The following UNC5A variants were observed in gnomAD, a reference collection of about 807,000 sequenced individuals.
UNC5A encodes the protein netrin receptor UNC5A.
UNC5A carries 20 observed loss-of-function variants against 87.4 expected under a neutral mutation model. The ratio of observed to expected loss-of-function variants is 0.23; its 90% CI spans 0.16 to 0.33. The LOEUF (loss-of-function observed/expected upper bound fraction) is 0.33, where lower values mean the gene tolerates loss of function less well. Ranked by LOEUF, UNC5A falls within the 10% of genes least tolerant of loss-of-function variation. UNC5A has a pLI of 1.00. For missense variants in UNC5A, 844 were observed against 1,133.4 expected, an observed-to-expected ratio of 0.74 and a Z score of 3.67; for synonymous variants, 438 against 482.3, an observed-to-expected ratio of 0.91 and a Z score of 1.20.
At chr5:176,847,405 G>A (rs543961756) in intron 1 of UNC5A, among the ~76,000 whole-genome samples, 1 of 152,328 alleles carries the variant, frequency 6.6e-6, no homozygotes, top group African/African-American at 2.4e-5. Context: ...CCTGGGAACA[G>A]GCTGCCGAGG....
chr5:176,823,616 C>T (rs1205164740), intron 1 of UNC5A, among the ~76,000 whole-genome samples: 1 of 151,926 alleles, frequency 6.6e-6, no homozygotes, highest in Non-Finnish European at 1.5e-5. Flanking sequence ...CACAGGGAGG[C>T]TGAGGGAGAC....
chr5:176,810,729 G>T lies in UNC5A; in HGVS notation c.-22G>T, dbSNP rs1332434336. ...GCCCGCGGGGCCCCGCGCCCGGCCC[G>T]CCCGCCTGCCCGCCCGCGGCCATGG... is the stretch of plus-strand genomic sequence containing the variant. On this transcript the variant is annotated 5_prime_UTR_variant, in exon 1 of 15. Transcript: ENST00000329542. The surrounding 1 kb of genome is among the most constrained non-coding windows in gnomAD (Gnocchi z 7.3). 6 of 1,087,478 alleles carry T rather than the reference G, an allele frequency of 5.5e-6. No homozygotes were observed. The South Asian group carries it at 1.3e-4, about 24-fold the overall frequency. 67.4% of individuals were successfully genotyped at this position (1,087,478 alleles called of 1,614,324 possible).
rs1036173368 is a variant in UNC5A at position 176,848,636 on chromosome 5, C to T, written c.71-13988C>T. ...ATGGAAGGTGGCAGCAGGGCCCAGG[C>T]TCCTTCCCGCCCAAATTTGGAATAG... On this transcript the variant is annotated intron_variant, in intron 1 of 14. Transcript: ENST00000329542. This position sits in a 1 kb window ranked among gnomAD's most constrained non-coding sequence, Gnocchi z 5.8. Among the ~76,000 whole-genome samples the T allele has an allele frequency of 3.9e-5, 6 of 152,108 alleles. No individual in the cohort carries two copies. The highest frequency in any genetic ancestry group is 7.4e-5 in the Non-Finnish European group (5 of 68,010).
At chr5:176,820,346 A>G (rs985078867) in intron 1 of UNC5A, among the ~76,000 whole-genome samples, 2 of 152,162 alleles carry the variant, frequency 1.3e-5, no homozygotes, top group African/African-American at 4.8e-5. Flanking sequence ...GCAGTGAGCC[A>G]AGATTGCACC....
intron 1 of UNC5A, among the ~76,000 whole-genome samples, chr5:176,858,778 A>AGGCAGGCAG (rs1561659057): frequency 4.0e-3 from 147 of 36,464 alleles, no homozygotes; most frequent in African/African-American, 0.011. Context: ...AAGGAAGGCA[A>AGGCAGGCAG]GCAAGCAGGC....
intron 1 of UNC5A, among the ~76,000 whole-genome samples, chr5:176,842,769 A>G (rs1165610376): frequency 1.3e-5 from 2 of 152,234 alleles, no homozygotes; most frequent in African/African-American, 2.4e-5. Flanking sequence ...TGCTCGGGTG[A>G]TGGGTGCACC....
At chr5:176,858,286 G>A (rs1035875213) in intron 1 of UNC5A, among the ~76,000 whole-genome samples, 4 of 152,232 alleles carry the variant, frequency 2.6e-5, no homozygotes, top group African/African-American at 9.6e-5. Flanking sequence ...GAGAGTTGAG[G>A]TAGGGGAACC....
intron 1 of UNC5A, among the ~76,000 whole-genome samples, chr5:176,828,906 G>A (rs574953175): frequency 1.7e-4 from 26 of 151,928 alleles, no homozygotes; most frequent in Non-Finnish European, 2.8e-4. Flanking sequence ...CGAGGTGGGC[G>A]GACCACAAGG....
chr5:176,878,700 C>T, intron 13 of UNC5A, 61 bp downstream of exon 13: 1 of 1,559,614 alleles, frequency 6.4e-7, no homozygotes, highest in Non-Finnish European at 8.7e-7. Context: ...CCCCACCAGC[C>T]CCCAAAACGC....
At chr5:176,872,718 CA>C (rs1758153825) in intron 6 of UNC5A, among the ~76,000 whole-genome samples, 1 of 119,756 alleles carries the variant, frequency 8.4e-6, no homozygotes, top group African/African-American at 3.3e-5. Flanking sequence ...TGCCCACACT[CA>C]CCCCACACCA....
intron 1 of UNC5A, among the ~76,000 whole-genome samples, chr5:176,845,206 C>A (rs1757375576): frequency 6.6e-6 from 1 of 152,176 alleles, no homozygotes; most frequent in Non-Finnish European, 1.5e-5. Context: ...GCTCCCTGTC[C>A]TCCTGTGACG....
At chr5:176,812,845 C>T (rs988658297) in intron 1 of UNC5A, among the ~76,000 whole-genome samples, 2 of 152,122 alleles carry the variant, frequency 1.3e-5, no homozygotes, top group Non-Finnish European at 2.9e-5. Flanking sequence ...CTCCCTTCCC[C>T]CTGTGCCCCA....
chr5:176,833,467 G>A (rs1379358030), intron 1 of UNC5A, among the ~76,000 whole-genome samples: 1 of 152,204 alleles, frequency 6.6e-6, no homozygotes, highest in Non-Finnish European at 1.5e-5. Context: ...CAAAGGACAT[G>A]ATTTCATTCT....
At chr5:176,811,145 G>A (rs1046713030) in intron 1 of UNC5A, among the ~76,000 whole-genome samples, 8 of 152,212 alleles carry the variant, frequency 5.3e-5, no homozygotes, top group African/African-American at 9.6e-5. Flanking sequence ...CAACCCCAGG[G>A]AGCCTGACTT....
chr5:176,849,793 T>A (rs1314915797), intron 1 of UNC5A, among the ~76,000 whole-genome samples: 1 of 152,136 alleles, frequency 6.6e-6, no homozygotes, highest in Non-Finnish European at 1.5e-5. Flanking sequence ...AACCTCCTGA[T>A]GCCCAACTGA....
intron 1 of UNC5A, among the ~76,000 whole-genome samples, chr5:176,826,314 G>A (rs1053282900): frequency 1.3e-5 from 2 of 152,204 alleles, no homozygotes; most frequent in South Asian, 2.1e-4. Flanking sequence ...ATCATGGAGC[G>A]GATCCTGAGG....
At chr5:176,868,016 A>G in intron 2 of UNC5A, 114 bp from the exon 3 acceptor site, 1 of 856,404 alleles carries the variant, frequency 1.2e-6, no homozygotes, top group Non-Finnish European at 1.6e-6. Flanking sequence ...AAAAAAAAAA[A>G]CAAAGTCCAC....
rs1315247448 is a variant in UNC5A, at chr5:176,874,165, C to T, written c.1075+9C>T. 2 of 1,611,626 alleles carry T rather than the reference C, an allele frequency of 1.2e-6. No homozygotes were observed. Among genetic ancestry groups the T allele is most frequent in the East Asian group, 2.2e-5 (1 of 44,832 alleles). ...CAAGCCCAGCAAAGCAGGTGAGGGG[C>T]CCCGTGCCCCCAGCACTCCTGCCCC... On this transcript the variant is annotated intron_variant, in intron 7 of 14. Transcript: ENST00000329542. This position sits in a 1 kb window ranked among gnomAD's most constrained non-coding sequence, Gnocchi z 7.6.
chr5:176,840,256 C>T (rs1167837932), intron 1 of UNC5A, among the ~76,000 whole-genome samples: 4 of 152,030 alleles, frequency 2.6e-5, no homozygotes, highest in Non-Finnish European at 5.9e-5. Context: ...GTAAGGAACC[C>T]GCTGGGCCTG....
Sources: gnomAD v4.1 joint callset for allele counts (sites outside exome capture counted in the v4.1 genomes callset) on GRCh38, gnomAD v4.1.1 for gene constraint, Gnocchi (gnomAD v3.1) non-coding constraint, MANE v1.5 for transcripts, NCBI Gene and HGNC (gene_info 2026-07-23, HGNC 2026-07-21) for gene names.